Variants in PACRG observed in about 807,000 individuals in gnomAD.
The protein encoded by PACRG is parkin coregulated gene protein.
PACRG carries 29 observed loss-of-function variants against 29.7 expected under a neutral mutation model. The observed-to-expected ratio is 0.98, with a 90% CI of 0.73 to 1.33. The LOEUF (loss-of-function observed/expected upper bound fraction) is 1.33. Ranked by LOEUF, PACRG falls within the 40% of genes most tolerant of loss-of-function variation. The pLI, the probability that PACRG is intolerant of heterozygous loss-of-function variation, is 0.00. For missense variants in PACRG, 279 were observed against 316.2 expected (o/e 0.88, Z 0.89); for synonymous variants, 116 against 118.7 (o/e 0.98, Z 0.15).
intron 3 of PACRG, among the ~76,000 whole-genome samples, chr6:163,071,977 T>C (rs776332052): frequency 6.6e-6 from 1 of 151,956 alleles, no homozygotes; most frequent in Non-Finnish European, 1.5e-5. Flanking sequence ...ACTCAATGGC[T>C]TCACTCTTGA....
Position 162,872,246 on chromosome 6 carries a change from T to C in PACRG, c.291+57965T>C, listed in dbSNP as rs953626488. On this transcript the variant is annotated intron_variant, in intron 2 of 4. Coordinates refer to ENST00000366888, the MANE Select transcript of PACRG (RefSeq NM_001080379.2). The stretch of plus-strand genomic sequence containing the variant: ...TATGAGAGCTCAGTGCTCAGTGTCA[T>C]TGGAAGACAGTAGACAGCGGTATTG... 9.9e-5 allele frequency among the ~76,000 whole-genome samples: 15 copies of C among 151,364 alleles called. No individual in the cohort carries two copies. In the East Asian group the frequency reaches 2.9e-3, roughly 29 times the overall value.
At chr6:163,018,800 C>G (rs962053410) in intron 2 of PACRG, among the ~76,000 whole-genome samples, 2 of 151,846 alleles carry the variant, frequency 1.3e-5, no homozygotes, top group African/African-American at 4.8e-5. Context: ...TATTCTGTTC[C>G]GTTGCTTTGA....
rs2128301086 is a variant in PACRG at position 163,089,301 on chromosome 6, T to C, written c.506T>C (p.Leu169Pro). ...LRNRQVICVT[L>P]KVLQHLVVSA... The stretch of plus-strand genomic sequence containing the variant: ...AACCGACAGGTCATCTGTGTCACTC[T>C]CAAGGTCCTCCAGCATCTGGTTGTG... The change falls in exon 4 of 5, where the codon CTC becomes CCC. Residue 169 changes from leucine to proline, a missense_variant. Physicochemically the swap from Leu to Pro is moderately conservative, Grantham distance 98 (BLOSUM62 -3). Coordinates refer to ENST00000366888, the MANE Select transcript of PACRG (RefSeq NM_001080379.2). The C allele has an allele frequency of 6.2e-7, 1 of 1,614,132 alleles. No individual in the cohort carries two copies. The highest frequency in any genetic ancestry group is 1.6e-4 in the Middle Eastern group (1 of 6,062).
chr6:162,741,886 T>C (rs1014208500), intron 1 of PACRG, among the ~76,000 whole-genome samples: 2 of 152,246 alleles, frequency 1.3e-5, no homozygotes, highest in East Asian at 1.9e-4. Flanking sequence ...AATGATTTTT[T>C]TACATACTCA....
intron 2 of PACRG, among the ~76,000 whole-genome samples, chr6:163,029,108 G>A (rs1242047339): frequency 6.6e-6 from 1 of 152,160 alleles, no homozygotes; most frequent in African/African-American, 2.4e-5. Flanking sequence ...GGAGGCAGAG[G>A]TTGAGTGGTG....
At chr6:162,883,295 A>G (rs1410877161) in intron 2 of PACRG, among the ~76,000 whole-genome samples, 2 of 152,200 alleles carry the variant, frequency 1.3e-5, no homozygotes, top group Non-Finnish European at 2.9e-5. Flanking sequence ...TTCAGCTCTC[A>G]TGACACAGCT....
At chr6:162,917,529 A>G (rs1376883886) in intron 2 of PACRG, among the ~76,000 whole-genome samples, 1 of 152,210 alleles carries the variant, frequency 6.6e-6, no homozygotes, top group African/African-American at 2.4e-5. Flanking sequence ...TATCCATTTT[A>G]GAGAAAAATT....
At chr6:162,756,250 T>A (rs150525015) in intron 1 of PACRG, among the ~76,000 whole-genome samples, 1 of 152,324 alleles carries the variant, frequency 6.6e-6, no homozygotes, top group African/African-American at 2.4e-5. Context: ...CGTATTAAGG[T>A]CCTCTACTAT....
At chr6:162,879,942 A>C (rs549615795) in intron 2 of PACRG, among the ~76,000 whole-genome samples, 1 of 152,236 alleles carries the variant, frequency 6.6e-6, no homozygotes, top group African/African-American at 2.4e-5. Flanking sequence ...GAGGGGATAT[A>C]TTTTTTAGGT....
chr6:162,837,251 G>T (rs1419774915), intron 2 of PACRG, among the ~76,000 whole-genome samples: 2 of 152,094 alleles, frequency 1.3e-5, no homozygotes, highest in African/African-American at 4.8e-5. Context: ...ACTAACTATT[G>T]TGAATCAAGT....
intron 2 of PACRG, among the ~76,000 whole-genome samples, chr6:162,925,395 C>T (rs972246127): frequency 6.6e-5 from 10 of 152,118 alleles, no homozygotes; most frequent in African/African-American, 1.9e-4. Context: ...CCCTGATGAA[C>T]GTTACTACAA....
chr6:163,084,823 T>C (rs1813396589), intron 3 of PACRG, among the ~76,000 whole-genome samples: 1 of 99,426 alleles, frequency 1.0e-5, no homozygotes, highest in African/African-American at 4.1e-5. Context: ...TTAGTGTTAC[T>C]CATATATCTC....
At chr6:162,858,402 C>T (rs1791582031) in intron 2 of PACRG, among the ~76,000 whole-genome samples, 1 of 152,108 alleles carries the variant, frequency 6.6e-6, no homozygotes. Context: ...TCATCTCCCA[C>T]CAAGTCCCTC....
chr6:163,173,170 C>T (rs1205705863), intron 4 of PACRG, among the ~76,000 whole-genome samples: 3 of 152,158 alleles, frequency 2.0e-5, no homozygotes, highest in Non-Finnish European at 4.4e-5. Context: ...AGGGAGATTA[C>T]ACAGGATCAT....
intron 1 of PACRG, among the ~76,000 whole-genome samples, chr6:162,740,496 CA>C (rs1780497547): frequency 6.7e-6 from 1 of 150,190 alleles, no homozygotes; most frequent in Non-Finnish European, 1.5e-5. Context: ...ATTTTTAGTA[CA>C]AAAAATTTAG....
intron 2 of PACRG, chr6:163,051,177 T>C (rs1809970526): frequency 6.6e-6 from 1 of 152,196 alleles, no homozygotes; most frequent in Non-Finnish European, 1.5e-5. Flanking sequence ...AAAAGTTATA[T>C]TTTTTAAGTG....
chr6:162,937,605 C>A (rs924617242), intron 2 of PACRG, among the ~76,000 whole-genome samples: 16 of 152,126 alleles, frequency 1.1e-4, no homozygotes, highest in African/African-American at 3.9e-4. Flanking sequence ...TGACGTAGAC[C>A]TCCCTCCCCA....
chr6:162,895,137 G>A (rs1795070267), intron 2 of PACRG, among the ~76,000 whole-genome samples: 1 of 150,832 alleles, frequency 6.6e-6, no homozygotes, highest in Admixed American at 6.6e-5. Flanking sequence ...ATGTGTGGTG[G>A]CATGCGACTG....
intron 2 of PACRG, among the ~76,000 whole-genome samples, chr6:163,038,903 G>A (rs959945712): frequency 6.6e-6 from 1 of 152,140 alleles, no homozygotes; most frequent in African/African-American, 2.4e-5. Context: ...ATAAAATTGT[G>A]TGTTTCAGGT....
Sources: allele counts gnomAD v4.1 joint callset (sites outside exome capture counted in the v4.1 genomes callset), GRCh38; gene constraint gnomAD v4.1.1; transcripts MANE v1.5; gene names NCBI Gene and HGNC (gene_info 2026-07-23, HGNC 2026-07-21).